The following NBEA variants were observed in gnomAD, a reference collection of about 807,000 sequenced individuals.
NBEA encodes neurobeachin, also known as lysosomal-trafficking regulator 2.
NBEA carries 44 observed loss-of-function variants against 343.4 expected under a neutral mutation model. The ratio of observed to expected loss-of-function variants is 0.13; its 90% CI spans 0.10 to 0.16. The LOEUF is 0.16. NBEA is among the 10% of genes least tolerant of loss of function. The probability of loss-of-function intolerance (pLI) is 1.00; values close to 1 mark genes in which losing one functional copy is unlikely to be tolerated. For synonymous variants in NBEA, 1,175 were observed against 1,238.7 expected, an observed-to-expected ratio of 0.95 and a Z score of 1.08; for missense variants, 2,555 against 3,631.3, an observed-to-expected ratio of 0.70 and a Z score of 7.62.
Position 34,998,465 on chromosome 13 carries a change from A to C in NBEA, c.295-42468A>C, listed in dbSNP as rs565887524. 5.9e-5 allele frequency among the ~76,000 whole-genome samples: 9 copies of C among 152,322 alleles called. No homozygotes were observed. The East Asian group carries it at 1.7e-3, about 29-fold the overall frequency. ...ATCCTAATAAGCCTGGGAGTGCTGC[A>C]GGAGACGGGGGCTTATTTCATCCCA... is the stretch of plus-strand genomic sequence containing the variant. On this transcript the variant is annotated intron_variant, in intron 1 of 58. Coordinates refer to ENST00000379939, the MANE Select transcript of NBEA (RefSeq NM_001385012.1).
intron 30 of NBEA, among the ~76,000 whole-genome samples, chr13:35,195,268 T>C (rs574725640): frequency 2.5e-4 from 38 of 152,156 alleles, no homozygotes; most frequent in Non-Finnish European, 5.3e-4. Context: ...TTTAGGAAAT[T>C]GTTATAGGAA....
chr13:35,617,952 C>G (rs2082811255), intron 48 of NBEA, among the ~76,000 whole-genome samples: 1 of 152,076 alleles, frequency 6.6e-6, no homozygotes, highest in Non-Finnish European at 1.5e-5. Context: ...CCATAAATTC[C>G]TTGAATATAG....
At position 35,123,486 on chromosome 13, in the gene NBEA, A is replaced by G; in HGVS notation, c.2248A>G (p.Ile750Val). The G allele has an allele frequency of 1.3e-6, 2 of 1,495,962 alleles. No homozygotes were observed. Among genetic ancestry groups the G allele is most frequent in the Non-Finnish European group, 1.8e-6 (2 of 1,112,514 alleles). The allele number at this position is 1,495,962 out of a possible 1,614,324, so 92.7% of individuals were successfully genotyped here. The change falls in exon 17 of 59, where the codon ATC becomes GTC. Residue 750 changes from isoleucine (I) to valine (V), a missense_variant. Physicochemically the swap from Ile to Val is conservative, Grantham distance 29. Coordinates refer to ENST00000379939, the MANE Select transcript of NBEA (RefSeq NM_001385012.1). ...AFDQRNGIRV[I>V]YKLLASKSES... Reference sequence around the variant, plus strand: ...GATAATTTATATATTTTGTAGGGTGATCTACAAATTATTGGCTTCTAAAAG... The same window carrying G: ...GATAATTTATATATTTTGTAGGGTGGTCTACAAATTATTGGCTTCTAAAAG...
At chr13:35,466,160 T>C (rs1315439480) in intron 40 of NBEA, among the ~76,000 whole-genome samples, 2 of 152,182 alleles carry the variant, frequency 1.3e-5, no homozygotes, top group Non-Finnish European at 2.9e-5. Flanking sequence ...GTGTTCTTCA[T>C]CTGTCTCATT....
At chr13:35,648,087 A>G (rs894817897) in intron 51 of NBEA, among the ~76,000 whole-genome samples, 1 of 150,078 alleles carries the variant, frequency 6.7e-6, no homozygotes, top group East Asian at 2.0e-4. Context: ...TGTGTTTCCC[A>G]GGCTGGTCTT....
intron 36 of NBEA, among the ~76,000 whole-genome samples, chr13:35,316,190 T>C (rs1370935751): frequency 6.6e-6 from 1 of 152,100 alleles, no homozygotes; most frequent in Admixed American, 6.6e-5. Context: ...ACACGTGTCA[T>C]GGTGGTTTAC....
At chr13:35,052,168 A>G (rs2063086459) in intron 6 of NBEA, among the ~76,000 whole-genome samples, 1 of 152,038 alleles carries the variant, frequency 6.6e-6, no homozygotes, top group Non-Finnish European at 1.5e-5. Context: ...ACTGTGTTTC[A>G]TTATTCAAAA....
At chr13:35,112,401 A>G (rs1427049887) in intron 13 of NBEA, among the ~76,000 whole-genome samples, 1 of 152,076 alleles carries the variant, frequency 6.6e-6, no homozygotes, top group Non-Finnish European at 1.5e-5. Context: ...AGACATATTC[A>G]TATACATACA....
chr13:35,120,078 T>C (rs919201468), intron 16 of NBEA, among the ~76,000 whole-genome samples: 2 of 152,182 alleles, frequency 1.3e-5, no homozygotes, highest in African/African-American at 4.8e-5. Context: ...TTATATTACT[T>C]GATAAATTTA....
intron 57 of NBEA, among the ~76,000 whole-genome samples, chr13:35,667,779 G>C (rs1384662003): frequency 6.6e-6 from 1 of 152,192 alleles, no homozygotes; most frequent in African/African-American, 2.4e-5. Context: ...TTAGACTTCA[G>C]AAATGATAGC....
chr13:35,322,870 G>A (rs1225751608), intron 36 of NBEA, among the ~76,000 whole-genome samples: 1 of 152,014 alleles, frequency 6.6e-6, no homozygotes, highest in East Asian at 1.9e-4. Flanking sequence ...TGTTTTTTGA[G>A]ACAGGGTCTC....
intron 33 of NBEA, 92 bp downstream of exon 33, chr13:35,211,271 A>G (rs1028094030): frequency 1.8e-6 from 2 of 1,082,544 alleles, no homozygotes; most frequent in African/African-American, 3.2e-5. Flanking sequence ...AGTTCTTGAG[A>G]ATGAAGGTTA....
chr13:35,254,324 CTTTTT>C (rs377465927), intron 34 of NBEA, among the ~76,000 whole-genome samples: 1 of 132,808 alleles, frequency 7.5e-6, no homozygotes, highest in Non-Finnish European at 1.6e-5. Flanking sequence ...TTATTTTTTA[CTTTTT>C]TTTTTTTTTT....
intron 38 of NBEA, among the ~76,000 whole-genome samples, chr13:35,369,997 T>G (rs1744304107): frequency 6.6e-6 from 1 of 151,960 alleles, no homozygotes; most frequent in Admixed American, 6.6e-5. Flanking sequence ...GAATGCATAT[T>G]CCATAGCTAT....
At chr13:35,181,246 A>G (rs1419098177) in intron 28 of NBEA, among the ~76,000 whole-genome samples, 2 of 151,924 alleles carry the variant, frequency 1.3e-5, no homozygotes, top group African/African-American at 4.8e-5. Flanking sequence ...GAATCTGCAC[A>G]CTGTTTTCCA....
intron 48 of NBEA, among the ~76,000 whole-genome samples, chr13:35,608,968 A>G (rs1184058011): frequency 2.0e-5 from 3 of 152,180 alleles, no homozygotes; most frequent in Non-Finnish European, 4.4e-5. Flanking sequence ...TACCTCTGAT[A>G]TTATCTCTTC....
intron 36 of NBEA, among the ~76,000 whole-genome samples, chr13:35,341,907 A>G (rs2039606953): frequency 6.6e-6 from 1 of 152,084 alleles, no homozygotes; most frequent in African/African-American, 2.4e-5. Flanking sequence ...ACATATGTTC[A>G]CAAAAAACTA....
intron 33 of NBEA, among the ~76,000 whole-genome samples, chr13:35,229,483 A>G (rs1404485118): frequency 6.6e-6 from 1 of 152,118 alleles, no homozygotes; most frequent in Non-Finnish European, 1.5e-5. Context: ...TGGTGGCTAT[A>G]TGTTCTTTGT....
At chr13:35,169,370 AT>A (rs1449097684) in intron 25 of NBEA, among the ~76,000 whole-genome samples, 1 of 151,378 alleles carries the variant, frequency 6.6e-6, no homozygotes, top group African/African-American at 2.4e-5. Flanking sequence ...TACATACTTC[AT>A]TTTTTAAATT....
Sources: allele counts gnomAD v4.1 joint callset (sites outside exome capture counted in the v4.1 genomes callset), GRCh38; gene constraint gnomAD v4.1.1; transcripts MANE v1.5; gene names NCBI Gene and HGNC (gene_info 2026-07-23, HGNC 2026-07-21).